Variants in ABCA10 observed in about 807,000 individuals in gnomAD.
ABCA10 encodes ATP binding cassette subfamily A member 10.
In ABCA10, 169 loss-of-function variants were observed where a neutral mutation model predicts 187.5. The observed-to-expected ratio is 0.90, with a 90% CI of 0.80 to 1.02. The LOEUF is 1.02. ABCA10 is among the 50% of genes least tolerant of loss of function. ABCA10 has a pLI of 0.00. For synonymous variants in ABCA10, 574 were observed against 601.8 expected (o/e 0.95, Z 0.68); for missense variants, 1,727 against 1,812.4 (o/e 0.95, Z 0.86).
At chr17:69,211,313 T>TTATATATA (rs2074649179) in intron 9 of ABCA10, among the ~76,000 whole-genome samples, 1 of 117,504 alleles carries the variant, frequency 8.5e-6, no homozygotes, top group Non-Finnish European at 1.6e-5. Flanking sequence ...ATCATATATA[T>TTATATATA]GATATATATA....
chr17:69,187,578 A>G, intron 19 of ABCA10, 103 bp downstream of exon 19: 1 of 1,274,300 alleles, frequency 7.8e-7, no homozygotes, highest in Non-Finnish European at 1.1e-6. Context: ...AAACATACAA[A>G]AAAACTGTTA....
At chr17:69,240,118 G>C (rs1045915094) in intron 1 of ABCA10, among the ~76,000 whole-genome samples, 1 of 152,136 alleles carries the variant, frequency 6.6e-6, no homozygotes, top group African/African-American at 2.4e-5. Context: ...CCAACTTTAT[G>C]TTCTGCATTG....
At chr17:69,177,973 AATATAT>A (rs58222975) in intron 22 of ABCA10, among the ~76,000 whole-genome samples, 28 of 50,004 alleles carry the variant, frequency 5.6e-4, no homozygotes, top group African/African-American at 1.7e-3. Flanking sequence ...AAAAAAAAAA[AATATAT>A]ATATATATAT....
intron 14 of ABCA10, 27 bp from the exon 15 acceptor site, chr17:69,193,275 A>G: frequency 6.2e-7 from 1 of 1,605,178 alleles, no homozygotes; most frequent in Non-Finnish European, 8.5e-7. Context: ...GTATGAAAGC[A>G]TCTTCCTCTT....
chr17:69,182,835 G>GAAAAAA (rs60708995), intron 20 of ABCA10, 27 bp from the exon 21 acceptor site: 1 of 1,325,834 alleles, frequency 7.5e-7, no homozygotes, highest in East Asian at 2.6e-5. Context: ...AAGGCAACAA[G>GAAAAAA]AAAAAAAAAA....
intron 16 of ABCA10, among the ~76,000 whole-genome samples, chr17:69,191,952 C>A (rs2074463552): frequency 6.6e-6 from 1 of 152,160 alleles, no homozygotes; most frequent in South Asian, 2.1e-4. Context: ...GAAATTTAGG[C>A]CAAATTGTTT....
Position 69,193,117 on chromosome 17 carries a change from G to A in ABCA10, c.1773C>T (p.Ile591=). 1 of 1,601,706 alleles carries A rather than the reference G, an allele frequency of 6.2e-7. No individual in the cohort carries two copies. Among genetic ancestry groups the A allele is most frequent in the Non-Finnish European group, 8.5e-7 (1 of 1,175,986 alleles). The change falls in exon 15 of 39, where the codon ATC becomes ATT. Residue 591 remains isoleucine, a synonymous_variant. Transcript: ENST00000690296. ...FSTQFMDEAD[I]LADRKVFLSN... ...AAAGAAGCCAAGAATCACCAGCCAA[G>A]ATGTCAGCCTCATCCATGAATTGGG...
At chr17:69,189,782 A>T in intron 18 of ABCA10, among the ~76,000 whole-genome samples, 1 of 152,046 alleles carries the variant, frequency 6.6e-6, no homozygotes, top group Non-Finnish European at 1.5e-5. Context: ...ATAGGGAGTC[A>T]TTTCCCCATT....
At chr17:69,151,931 GATGA>G in intron 36 of ABCA10, 108 bp downstream of exon 36, 3 of 1,453,390 alleles carry the variant, frequency 2.1e-6, no homozygotes, top group Non-Finnish European at 2.8e-6. Flanking sequence ...GTTGTTTTGT[GATGA>G]ATAAGTCCAC....
At position 69,155,939 on chromosome 17, in the gene ABCA10, A is replaced by C; in HGVS notation, c.3456-14T>G. On this transcript the variant is annotated splice_polypyrimidine_tract_variant and intron_variant, in intron 28 of 38. Coordinates refer to ENST00000690296, the MANE Select transcript of ABCA10 (RefSeq NM_001377321.1). ...CGTGGAGAGATTCTACAGAGGAAAT[A>C]AAATAACATAAAAATGCAATTTTGG... 6.2e-7 allele frequency: 1 copy of C among 1,604,478 alleles called. No individual in the cohort carries two copies. The highest frequency in any genetic ancestry group is 8.5e-7 in the Non-Finnish European group (1 of 1,176,198).
intron 2 of ABCA10, 53 bp downstream of exon 2, chr17:69,227,092 G>A (rs1321988235): frequency 7.5e-6 from 1 of 132,802 alleles, no homozygotes; most frequent in African/African-American, 2.6e-5. Context: ...ACTATATGGT[G>A]GATTTTCATT....
intron 21 of ABCA10, 30 bp from the exon 22 acceptor site, chr17:69,182,320 T>C (rs781300430): frequency 5.1e-6 from 7 of 1,371,950 alleles, no homozygotes; most frequent in East Asian, 2.7e-5. Flanking sequence ...ATATAAGTTA[T>C]AAATTCTTAT....
upstream of ABCA10, among the ~76,000 whole-genome samples, chr17:69,229,020 CAGAG>C (rs1172085211): frequency 1.3e-5 from 2 of 151,882 alleles, no homozygotes; most frequent in Non-Finnish European, 2.9e-5. Context: ...TAAAGTTGAA[CAGAG>C]AGAGAGAAAA....
intron 3 of ABCA10, among the ~76,000 whole-genome samples, chr17:69,223,880 C>T (rs977131817): frequency 8.6e-5 from 13 of 152,044 alleles, no homozygotes; most frequent in African/African-American, 2.9e-4. Flanking sequence ...TCCAGTGGTC[C>T]GTGAGACTAA....
At chr17:69,219,854 C>A in intron 5 of ABCA10, 83 bp from the exon 6 acceptor site, 2 of 948,518 alleles carry the variant, frequency 2.1e-6, no homozygotes, top group Non-Finnish European at 1.5e-6. Flanking sequence ...TTTTCGATTT[C>A]AATATTTACA....
In ABCA10 at chr17:69,174,308, A is replaced by G; in HGVS notation, c.3135T>C (p.Asn1045=). ...SFIFRKWRKN[N]GFWSFGFFII... ...TAAAAAAGCCAAAAGACCAAAAGCC[A>G]TTATTTTTTCTCCACTTGCGAAAGA... The change falls in exon 25 of 39, where the codon AAT becomes AAC. Residue 1045 remains asparagine, a synonymous_variant. Transcript: ENST00000690296. 1 of 1,607,550 alleles carries G rather than the reference A, an allele frequency of 6.2e-7. No homozygotes were observed. The highest frequency in any genetic ancestry group is 8.5e-7 in the Non-Finnish European group (1 of 1,177,802).
At chr17:69,208,479 A>G (rs1418541804) in intron 9 of ABCA10, among the ~76,000 whole-genome samples, 1 of 151,912 alleles carries the variant, frequency 6.6e-6, no homozygotes, top group Non-Finnish European at 1.5e-5. Flanking sequence ...ACTACAGAAA[A>G]CCAAAAATTT....
At chr17:69,160,688 CAATG>C (rs1375506240) in intron 27 of ABCA10, among the ~76,000 whole-genome samples, 1 of 152,028 alleles carries the variant, frequency 6.6e-6, no homozygotes, top group Non-Finnish European at 1.5e-5. Flanking sequence ...CATTAAATGT[CAATG>C]AAACGCAAAT....
At chr17:69,196,776 T>G (rs1456445365) in intron 11 of ABCA10, among the ~76,000 whole-genome samples, 2 of 152,140 alleles carry the variant, frequency 1.3e-5, no homozygotes, top group African/African-American at 4.8e-5. Flanking sequence ...CTCGCGAGGC[T>G]GAGGCTAGCA....
Sources: allele counts gnomAD v4.1 joint callset (sites outside exome capture counted in the v4.1 genomes callset), GRCh38; gene constraint gnomAD v4.1.1; transcripts MANE v1.5; gene names NCBI Gene and HGNC (gene_info 2026-07-23, HGNC 2026-07-21).